Variants in CHD9NB observed in about 807,000 individuals in gnomAD.
CHD9NB encodes CHD9 neighbor protein.
chr16:53,051,768 A>AT, the CHD9NB span, among the ~76,000 whole-genome samples: 263 of 104,598 alleles, frequency 2.5e-3, 18 homozygotes, highest in African/African-American at 0.013. Context: ...TAAAAGTATA[A>AT]ATATATATAT....
chr16:53,052,772 A>G, the CHD9NB span: 1 of 153,526 alleles, frequency 6.5e-6, no homozygotes. Flanking sequence ...ATGGGCAGTC[A>G]GCACTCCTCT....
At chr16:53,039,512 G>A in the CHD9NB span, among the ~76,000 whole-genome samples, 10 of 152,318 alleles carry the variant, frequency 6.6e-5, no homozygotes, top group South Asian at 1.4e-3. Context: ...TTGGAAGGCC[G>A]AGGTGGCAGA....
chr16:53,040,423 G>A, the CHD9NB span, among the ~76,000 whole-genome samples: 1 of 152,082 alleles, frequency 6.6e-6, no homozygotes, highest in Non-Finnish European at 1.5e-5. Context: ...TCCCTGTGCC[G>A]TGGGCACCTT....
the CHD9NB span, among the ~76,000 whole-genome samples, chr16:53,036,863 A>C: frequency 6.6e-6 from 1 of 152,124 alleles, no homozygotes; most frequent in Non-Finnish European, 1.5e-5. Context: ...ACCTGACTGT[A>C]ACCTGGGCTG....
At chr16:53,040,384 T>A in the CHD9NB span, among the ~76,000 whole-genome samples, 2 of 152,144 alleles carry the variant, frequency 1.3e-5, no homozygotes, top group Non-Finnish European at 2.9e-5. Flanking sequence ...CCTGATTTGA[T>A]TTTTTACTTG....
the CHD9NB span, among the ~76,000 whole-genome samples, chr16:53,044,669 G>T: frequency 1.3e-5 from 2 of 152,176 alleles, no homozygotes; most frequent in African/African-American, 4.8e-5. Flanking sequence ...GGACTCCCAG[G>T]GTTACCCAAA....
At chr16:53,049,709 T>TA in the CHD9NB span, among the ~76,000 whole-genome samples, 3 of 152,134 alleles carry the variant, frequency 2.0e-5, no homozygotes, top group African/African-American at 7.2e-5. Context: ...TGAGCAAATA[T>TA]AAAATCCCTT....
the CHD9NB span, chr16:53,047,218 G>A: frequency 6.6e-6 from 1 of 152,116 alleles, no homozygotes; most frequent in Non-Finnish European, 1.5e-5. Flanking sequence ...GTCATATGTT[G>A]GCGAGGTTGT....
chr16:53,047,007 G>A, the CHD9NB span, among the ~76,000 whole-genome samples: 1 of 152,092 alleles, frequency 6.6e-6, no homozygotes, highest in Non-Finnish European at 1.5e-5. Context: ...ATGACCAAAA[G>A]AAAGGCAAGA....
chr16:53,044,361 C>T, the CHD9NB span: 1 of 390,756 alleles, frequency 2.6e-6, no homozygotes, highest in Non-Finnish European at 4.5e-6. Context: ...GGAGAGCTGC[C>T]CTTCCGGCTA....
At chr16:53,048,776 T>C in the CHD9NB span, among the ~76,000 whole-genome samples, 1 of 152,012 alleles carries the variant, frequency 6.6e-6, no homozygotes, top group South Asian at 2.1e-4. Context: ...GTCAGGAGAG[T>C]GGCCAACCCA....
chr16:53,042,722 G>T, the CHD9NB span: 1 of 152,168 alleles, frequency 6.6e-6, no homozygotes, highest in African/African-American at 2.4e-5. Flanking sequence ...AAGAAAAATG[G>T]TCCTCACTAT....
chr16:53,044,391 C>T, the CHD9NB span: 1 of 381,686 alleles, frequency 2.6e-6, no homozygotes, highest in Non-Finnish European at 4.6e-6. Flanking sequence ...ATTCCAGGCA[C>T]TGTGCCCCAT....
chr16:53,038,227 A>T, the CHD9NB span, among the ~76,000 whole-genome samples: 7 of 152,360 alleles, frequency 4.6e-5, no homozygotes, highest in South Asian at 1.2e-3. Context: ...TCTTCTTGAC[A>T]CAGTCTACTG....
chr16:53,051,612 C>T, the CHD9NB span, among the ~76,000 whole-genome samples: 1 of 122,200 alleles, frequency 8.2e-6, no homozygotes, highest in African/African-American at 3.4e-5. Flanking sequence ...CACACCGGGG[C>T]CTGTTGTGGG....
the CHD9NB span, chr16:53,043,031 C>T: frequency 1.3e-5 from 2 of 152,242 alleles, no homozygotes; most frequent in African/African-American, 2.4e-5. Context: ...TACACCCACT[C>T]TTCTCTGCTG....
chr16:53,040,712 AT>A, the CHD9NB span, among the ~76,000 whole-genome samples: 5 of 152,348 alleles, frequency 3.3e-5, no homozygotes, highest in African/African-American at 1.2e-4. Context: ...ACAGGAATGA[AT>A]GAATGATGAG....
At chr16:53,039,010 C>G in the CHD9NB span, among the ~76,000 whole-genome samples, 12 of 152,112 alleles carry the variant, frequency 7.9e-5, no homozygotes, top group South Asian at 4.1e-4. Context: ...TAAACCTGCC[C>G]CTCCTTGTAT....
the CHD9NB span, among the ~76,000 whole-genome samples, chr16:53,048,999 G>A: frequency 1.3e-5 from 2 of 152,058 alleles, no homozygotes; most frequent in African/African-American, 2.4e-5. Context: ...CACATGGATC[G>A]GACTCTTGGT....
Sources: gnomAD v4.1 joint callset for allele counts (sites outside exome capture counted in the v4.1 genomes callset) on GRCh38, gnomAD v4.1.1 for gene constraint, MANE v1.5 for transcripts, NCBI Gene and HGNC (gene_info 2026-07-23, HGNC 2026-07-21) for gene names.